Variants in CXADR observed in about 807,000 individuals in gnomAD.
CXADR encodes coxsackievirus and adenovirus receptor.
Under a neutral mutation model 40.3 loss-of-function variants are expected in CXADR, and 20 were observed. That is an observed-to-expected ratio of 0.50 (90% CI 0.35 to 0.72). CXADR has a LOEUF of 0.72. CXADR is among the 30% of genes least tolerant of loss of function. The pLI is 0.01. For synonymous variants in CXADR, 150 were observed against 161.3 expected, an observed-to-expected ratio of 0.93 and a Z score of 0.53; for missense variants, 332 against 449.1, an observed-to-expected ratio of 0.74 and a Z score of 2.36.
chr21:17,602,259 A>C, the CXADR span, among the ~76,000 whole-genome samples: 1 of 152,276 alleles, frequency 6.6e-6, no homozygotes, highest in African/African-American at 2.4e-5. Context: ...CTGTATCACG[A>C]AGTGATAACC....
At chr21:17,631,962 C>G in the CXADR span, among the ~76,000 whole-genome samples, 1 of 152,106 alleles carries the variant, frequency 6.6e-6, no homozygotes, top group Non-Finnish European at 1.5e-5. Context: ...CAGGTGTGCA[C>G]CACCAACCTG....
chr21:17,546,906 G>A (rs866780827), intron 1 of CXADR, 121 bp from the exon 2 acceptor site: 45 of 1,192,700 alleles, frequency 3.8e-5, no homozygotes, highest in African/African-American at 1.1e-4. Flanking sequence ...TCCATTCCTC[G>A]GGACCCAAAC....
intron 1 of CXADR, among the ~76,000 whole-genome samples, chr21:17,545,522 G>A (rs1013657691): frequency 1.3e-5 from 2 of 152,070 alleles, no homozygotes; most frequent in African/African-American, 4.8e-5. Flanking sequence ...TACCTCCCAA[G>A]TTCAAGCGAT....
In CXADR at chr21:17,570,068, T is replaced by A. The variant is rs2061264723; in HGVS notation, c.*4376T>A. On this transcript the variant is annotated 3_prime_UTR_variant, in exon 7 of 7. Coordinates refer to ENST00000284878, the MANE Select transcript of CXADR (RefSeq NM_001338.5). ...ACAACTTGCTCTAGTTTTGTGACCT[T>A]GTGTACTTTTGAAATAAAATCAAGA... 1 of 985,346 alleles carries A rather than the reference T, an allele frequency of 1.0e-6. No homozygotes were observed. Among genetic ancestry groups the A allele is most frequent in the Non-Finnish European group, 1.2e-6 (1 of 829,938 alleles). The allele number at this position is 985,346 out of a possible 1,614,324, so 61.0% of individuals were successfully genotyped here.
the CXADR span, among the ~76,000 whole-genome samples, chr21:17,621,166 C>T: frequency 6.6e-6 from 1 of 152,168 alleles, no homozygotes; most frequent in African/African-American, 2.4e-5. Context: ...GCCAAGTTGA[C>T]GCATACAATC....
At chr21:17,630,979 C>T in the CXADR span, among the ~76,000 whole-genome samples, 23 of 152,080 alleles carry the variant, frequency 1.5e-4, no homozygotes, top group South Asian at 1.0e-3. Flanking sequence ...AGAGAGATGA[C>T]GCAGAGAGAG....
At chr21:17,558,476 A>G (rs1011311147) in intron 3 of CXADR, among the ~76,000 whole-genome samples, 4 of 152,168 alleles carry the variant, frequency 2.6e-5, no homozygotes, top group Non-Finnish European at 2.9e-5. Flanking sequence ...ATGTAAATGC[A>G]GAATGCTAGT....
rs11445842 is a variant in CXADR at position 17,585,527 on chromosome 21, AT to A, written c.1018-7616del. On this transcript the variant is annotated intron_variant, in intron 7 of 7. Transcript: ENST00000400169. ...TTGTGCTTCTGGGTGTTTAATTATTATTTTTTTTTGAGACCGAGTCTCGCTC... is the reference window on the plus strand; with the variant it reads ...TTGTGCTTCTGGGTGTTTAATTATTATTTTTTTTGAGACCGAGTCTCGCTC... Among the ~76,000 whole-genome samples the A allele has an allele frequency of 3.5e-3, 521 of 150,538 alleles. 3 individuals carry two copies. The highest frequency in any genetic ancestry group is 0.012 in the African/African-American group (488 of 40,852).
the CXADR span, among the ~76,000 whole-genome samples, chr21:17,624,482 A>G: frequency 6.6e-6 from 1 of 152,130 alleles, no homozygotes; most frequent in East Asian, 1.9e-4. Flanking sequence ...GGGTCCCCAT[A>G]TCTCAGAGCC....
chr21:17,592,137 A>G (rs1218053348), intron 7 of CXADR, among the ~76,000 whole-genome samples: 1 of 152,044 alleles, frequency 6.6e-6, no homozygotes, highest in South Asian at 2.1e-4. Context: ...ATTTTGTAGT[A>G]ACGTGGAATG....
intron 7 of CXADR, among the ~76,000 whole-genome samples, chr21:17,584,775 G>A (rs1204266430): frequency 6.6e-6 from 1 of 152,194 alleles, no homozygotes; most frequent in African/African-American, 2.4e-5. Flanking sequence ...AGGTTGCAGT[G>A]AGCCGAGATT....
intron 1 of CXADR, among the ~76,000 whole-genome samples, chr21:17,530,801 G>A (rs915164952): frequency 1.3e-5 from 2 of 152,220 alleles, no homozygotes; most frequent in South Asian, 2.1e-4. Flanking sequence ...GCGACAGAGC[G>A]AGACTCAGTC....
rs1352590368 is a variant in CXADR at position 17,547,044 on chromosome 21, A to C, written c.61A>C (p.Ser21Arg). The C allele has an allele frequency of 6.2e-7, 1 of 1,612,746 alleles. No individual in the cohort carries two copies. The highest frequency in any genetic ancestry group is 1.3e-5 in the African/African-American group (1 of 74,880). ...TTCTCTAGATTTCGCCAGAAGTTTG[A>C]GTATCACTACTCCTGAAGAGATGAT... ...CGVVDFARSL[S>R]ITTPEEMIEK... Residue 21 changes from serine (S) to arginine (R), a missense_variant, in exon 2 of 7, where the codon AGT becomes CGT. By Grantham distance (110) the Ser-to-Arg change is moderately radical (BLOSUM62 -1). This residue lies in a region of CXADR where 162 missense variants were observed against 198.5 expected (regional missense o/e 0.82). Transcript: ENST00000284878.
At chr21:17,534,607 T>G (rs1033450309) in intron 1 of CXADR, among the ~76,000 whole-genome samples, 1 of 152,088 alleles carries the variant, frequency 6.6e-6, no homozygotes, top group Admixed American at 6.6e-5. Context: ...GGTGGTCACC[T>G]TTTTGTATAG....
At chr21:17,561,546 C>T in intron 6 of CXADR, 70 bp downstream of exon 6, 1 of 1,327,500 alleles carries the variant, frequency 7.5e-7, no homozygotes, top group Non-Finnish European at 1.0e-6. Context: ...CATTCGTTCT[C>T]TTATTAACCA....
chr21:17,604,410 G>A, the CXADR span: 6 of 186,066 alleles, frequency 3.2e-5, no homozygotes, highest in Non-Finnish European at 5.7e-5. Flanking sequence ...GCACCATTGC[G>A]CTCCAGCCTG....
intron 1 of CXADR, among the ~76,000 whole-genome samples, chr21:17,515,024 A>C (rs1319021830): frequency 6.6e-6 from 1 of 152,130 alleles, no homozygotes; most frequent in Admixed American, 6.5e-5. Flanking sequence ...CTAAGAAATA[A>C]TATTTTGATG....
chr21:17,581,970 A>G (rs966034059), intron 7 of CXADR, among the ~76,000 whole-genome samples: 1 of 151,448 alleles, frequency 6.6e-6, no homozygotes, highest in African/African-American at 2.4e-5. Context: ...ACGGCGTTTC[A>G]CTCTTCGTTG....
At chr21:17,635,921 T>A in the CXADR span, among the ~76,000 whole-genome samples, 2 of 152,212 alleles carry the variant, frequency 1.3e-5, no homozygotes, top group Non-Finnish European at 2.9e-5. Flanking sequence ...TCTAGGAATA[T>A]GGTATATTTC....
Sources: allele counts gnomAD v4.1 joint callset (sites outside exome capture counted in the v4.1 genomes callset), GRCh38; gene constraint gnomAD v4.1.1; regional missense constraint gnomAD v4.1.1; transcripts MANE v1.5; gene names NCBI Gene and HGNC (gene_info 2026-07-23, HGNC 2026-07-21).